The following HTR2C variants were observed in gnomAD, a reference collection of about 807,000 sequenced individuals.
The protein encoded by HTR2C is 5-hydroxytryptamine receptor 2C.
A neutral mutation model predicts 21.0 loss-of-function variants in HTR2C; 5 were observed. That is an observed-to-expected ratio of 0.24 (90% CI 0.12 to 0.50). HTR2C has a LOEUF of 0.50. HTR2C is among the 20% of genes least tolerant of loss of function. The probability of loss-of-function intolerance (pLI) is 0.98; values close to 1 mark genes in which losing one functional copy is unlikely to be tolerated. For missense variants in HTR2C, 271 were observed against 371.2 expected (o/e 0.73, Z 2.22); for synonymous variants, 150 against 145.3 (o/e 1.03, Z -0.23).
chrX:114,702,284 G>GA (rs1475983528), intron 2 of HTR2C, among the ~76,000 whole-genome samples: 2 of 109,287 alleles, frequency 1.8e-5, no homozygotes, highest in Admixed American at 2.0e-4. Flanking sequence ...TGAAATGAAG[G>GA]AAAAAATGTT....
Position 114,764,865 on chromosome X carries a change from ATCTTTCTTTCTTTCTTTCTT to A in HTR2C, c.349+33300_349+33319del, listed in dbSNP as rs1234459517. Among the ~76,000 whole-genome samples the A allele has an allele frequency of 5.0e-3, 226 of 45,296 alleles. 1 individual carries two copies. Among genetic ancestry groups the A allele is most frequent in the African/African-American group, 0.014 (216 of 15,671 alleles). 39.3% of individuals were successfully genotyped at this position (45,296 alleles called of 115,157 possible). On this transcript the variant is annotated intron_variant, in intron 4 of 5. Transcript: ENST00000276198. ...TAAATCTCACTCCTTCATGGAATCA[ATCTTTCTTTCTTTCTTTCTT>A]TCTTTCTTTCTTTCTTTCTTTCTTT...
At chrX:114,713,677 A>G (rs1556419431) in intron 2 of HTR2C, among the ~76,000 whole-genome samples, 1 of 111,786 alleles carries the variant, frequency 8.9e-6, no homozygotes, top group Non-Finnish European at 1.9e-5. Flanking sequence ...GATTTTTTAT[A>G]TTAGGTAAGT....
At chrX:114,790,442 T>C (rs1456230390) in intron 4 of HTR2C, among the ~76,000 whole-genome samples, 2 of 111,851 alleles carry the variant, frequency 1.8e-5, no homozygotes, top group Non-Finnish European at 3.8e-5. Flanking sequence ...TACAGTGAAA[T>C]GTTTTACAAA....
At chrX:114,726,469 CCTT>C (rs1419152047) in intron 2 of HTR2C, among the ~76,000 whole-genome samples, 1 of 112,386 alleles carries the variant, frequency 8.9e-6, no homozygotes, top group African/African-American at 3.2e-5. Context: ...CAGAAATCAC[CCTT>C]CTTCTGCGTC....
At chrX:114,814,907 T>C (rs2070569341) in intron 4 of HTR2C, among the ~76,000 whole-genome samples, 1 of 102,625 alleles carries the variant, frequency 9.7e-6, no homozygotes, top group African/African-American at 3.5e-5. Flanking sequence ...TATTATATAG[T>C]ATATATCATA....
intron 2 of HTR2C, chrX:114,715,138 C>A: frequency 1.7e-5 from 4 of 237,337 alleles, no homozygotes; most frequent in East Asian, 1.0e-4. Flanking sequence ...ACAGCAAAAC[C>A]AGAAACTGAC....
chrX:114,599,973 G>A (rs997363867), intron 1 of HTR2C, among the ~76,000 whole-genome samples: 4 of 111,321 alleles, frequency 3.6e-5, no homozygotes, highest in South Asian at 3.8e-4. Flanking sequence ...TAAATATAGA[G>A]CAGAATCTCG....
intron 5 of HTR2C, among the ~76,000 whole-genome samples, chrX:114,852,831 GTGTT>G (rs782166391): frequency 9.1e-6 from 1 of 109,732 alleles, no homozygotes; most frequent in African/African-American, 3.3e-5. Context: ...TCTGTCTTGT[GTGTT>G]TGTGTGCGCG....
intron 2 of HTR2C, among the ~76,000 whole-genome samples, chrX:114,654,476 C>T (rs1469174292): frequency 9.1e-6 from 1 of 109,536 alleles, no homozygotes. Context: ...TTAAAGCTTA[C>T]GTAACCATCA....
intron 4 of HTR2C, among the ~76,000 whole-genome samples, chrX:114,798,437 A>T (rs2070315238): frequency 9.0e-6 from 1 of 111,698 alleles, no homozygotes; most frequent in South Asian, 3.7e-4. Flanking sequence ...TTGGGGTATT[A>T]ATGTCAGAAA....
chrX:114,728,961 T>G (rs782121769), intron 3 of HTR2C, among the ~76,000 whole-genome samples: 37 of 112,338 alleles, frequency 3.3e-4, no homozygotes, highest in Non-Finnish European at 1.5e-4. Context: ...TTTGTCATTC[T>G]GCAATCAACA....
intron 2 of HTR2C, among the ~76,000 whole-genome samples, chrX:114,668,602 G>T (rs1324958962): frequency 3.1e-4 from 34 of 111,376 alleles, no homozygotes; most frequent in African/African-American, 1.1e-3. Flanking sequence ...AGGTATTACA[G>T]TATGTGCCCC....
intron 4 of HTR2C, among the ~76,000 whole-genome samples, chrX:114,732,621 T>C (rs964390583): frequency 1.8e-5 from 2 of 111,969 alleles, no homozygotes; most frequent in Admixed American, 1.9e-4. Context: ...TCTCAGAATA[T>C]ATGCTTTTCA....
intron 4 of HTR2C, among the ~76,000 whole-genome samples, chrX:114,767,176 C>T (rs782321397): frequency 9.0e-6 from 1 of 111,041 alleles, no homozygotes; most frequent in South Asian, 3.7e-4. Context: ...TTTTATATTG[C>T]TGTTTTTTAT....
chrX:114,728,248 A>T (rs1267855988), intron 3 of HTR2C, among the ~76,000 whole-genome samples: 3 of 111,602 alleles, frequency 2.7e-5, no homozygotes, highest in African/African-American at 9.8e-5. Flanking sequence ...AGTAGCAATG[A>T]GTAAATTATA....
intron 2 of HTR2C, among the ~76,000 whole-genome samples, chrX:114,725,876 AG>A (rs782208787): frequency 2.8e-4 from 31 of 109,425 alleles, no homozygotes; most frequent in Admixed American, 4.9e-4. Flanking sequence ...GCCCGTTCTC[AG>A]ATCTCCAGCT....
At chrX:114,665,267 G>T (rs1292412591) in intron 2 of HTR2C, among the ~76,000 whole-genome samples, 1 of 112,072 alleles carries the variant, frequency 8.9e-6, no homozygotes, top group Non-Finnish European at 1.9e-5. Context: ...TTCAGGATCT[G>T]TCTGCTTCCT....
rs782786925 is a variant in HTR2C at position 114,702,857 on chromosome X, C to T, written c.-79-24001C>T. ...CACACATAGGCTCACAATAAAGGGA[C>T]GGAGGAAGATCTACCAAGCAAATGG... On this transcript the variant is annotated intron_variant, in intron 2 of 5. Coordinates refer to ENST00000276198, the MANE Select transcript of HTR2C (RefSeq NM_000868.4). 1.9e-4 allele frequency among the ~76,000 whole-genome samples: 20 copies of T among 106,836 alleles called. No individual in the cohort carries two copies. In the East Asian group the frequency reaches 2.1e-3, roughly 11 times the overall value. 92.8% of individuals were successfully genotyped at this position (106,836 alleles called of 115,157 possible). A position where few individuals can be genotyped will look rare whatever the true frequency, so the allele number is the denominator to read the frequency against.
At chrX:114,718,462 G>A (rs191221017) in intron 2 of HTR2C, among the ~76,000 whole-genome samples, 31 of 111,878 alleles carry the variant, frequency 2.8e-4, no homozygotes, top group African/African-American at 9.7e-4. Context: ...AGATTTCATA[G>A]GCATGAATTA....
Sources: allele counts gnomAD v4.1 joint callset (sites outside exome capture counted in the v4.1 genomes callset), GRCh38; gene constraint gnomAD v4.1.1; transcripts MANE v1.5; gene names NCBI Gene and HGNC (gene_info 2026-07-23, HGNC 2026-07-21).